PCSK5: variants seen among roughly 807,000 people sequenced by gnomAD.
PCSK5 encodes prohormone convertase 5.
In PCSK5, 129 loss-of-function variants were observed where a neutral mutation model predicts 233.2. The ratio of observed to expected loss-of-function variants is 0.55; its 90% CI spans 0.48 to 0.64. The LOEUF (loss-of-function observed/expected upper bound fraction) is 0.64. PCSK5 is among the 30% of genes least tolerant of loss of function. The pLI, the probability that PCSK5 is intolerant of heterozygous loss-of-function variation, is 0.00. For synonymous variants in PCSK5, 825 were observed against 879.2 expected (o/e 0.94, Z 1.09); for missense variants, 2,076 against 2,430.1 (o/e 0.85, Z 3.06).
rs767653783 is a variant in PCSK5 at position 76,338,453 on chromosome 9, A to T, written c.4966+6A>T. 1 of 1,589,612 alleles carries T rather than the reference A, an allele frequency of 6.3e-7. No individual in the cohort carries two copies. Among genetic ancestry groups the T allele is most frequent in the Non-Finnish European group, 8.6e-7 (1 of 1,159,014 alleles). ...GACTTGTGATCAATGCAAAGGTGAG[A>T]GTCTACCTGTCATTTTGCATGAGTG... On this transcript the variant is annotated splice_donor_region_variant and intron_variant, in intron 35 of 37. Coordinates refer to ENST00000674117, the MANE Select transcript of PCSK5 (RefSeq NM_001372043.1).
At chr9:75,940,655 G>A (rs1484973140) in intron 2 of PCSK5, among the ~76,000 whole-genome samples, 2 of 152,216 alleles carry the variant, frequency 1.3e-5, no homozygotes, top group Non-Finnish European at 2.9e-5. Context: ...TAAAATAGGT[G>A]TAATGGAGTA....
chr9:75,903,135 G>T (rs1449721202), intron 1 of PCSK5, among the ~76,000 whole-genome samples: 2 of 151,956 alleles, frequency 1.3e-5, no homozygotes, highest in African/African-American at 4.8e-5. Context: ...ATTTTATATA[G>T]TACAACAAAG....
At chr9:76,018,365 C>CG (rs1202568443) in intron 3 of PCSK5, among the ~76,000 whole-genome samples, 2 of 152,200 alleles carry the variant, frequency 1.3e-5, no homozygotes, top group Admixed American at 1.3e-4. Context: ...GTATTGATCG[C>CG]GGCCTGTTAG....
At chr9:76,122,620 A>C (rs953397339) in intron 9 of PCSK5, among the ~76,000 whole-genome samples, 1 of 152,080 alleles carries the variant, frequency 6.6e-6, no homozygotes, top group East Asian at 1.9e-4. Context: ...CTTTTGGCCC[A>C]ATGTAGCTTC....
intron 20 of PCSK5, among the ~76,000 whole-genome samples, chr9:76,199,726 C>A (rs148909366): frequency 2.6e-4 from 39 of 152,214 alleles, no homozygotes; most frequent in Non-Finnish European, 5.3e-4. Flanking sequence ...CCAAGGAGAT[C>A]TTTGTCAATC....
chr9:76,081,556 T>A, intron 7 of PCSK5, among the ~76,000 whole-genome samples: 1 of 152,202 alleles, frequency 6.6e-6, no homozygotes, highest in East Asian at 1.9e-4. Flanking sequence ...AATGATGCAT[T>A]TAACCACGGT....
chr9:76,063,901 G>GGTC (rs1564004386), intron 5 of PCSK5, among the ~76,000 whole-genome samples: 1 of 64,844 alleles, frequency 1.5e-5, no homozygotes. Context: ...TCCCAGTAGG[G>GGTC]GCAGCTGGGC....
chr9:76,289,383 G>T (rs1376401472), intron 24 of PCSK5, among the ~76,000 whole-genome samples: 1 of 151,580 alleles, frequency 6.6e-6, no homozygotes, highest in Non-Finnish European at 1.5e-5. Flanking sequence ...AATCACCCGA[G>T]CTATTTAAAC....
chr9:76,094,766 C>T (rs1341450572), intron 7 of PCSK5, among the ~76,000 whole-genome samples: 3 of 152,022 alleles, frequency 2.0e-5, no homozygotes, highest in African/African-American at 4.8e-5. Context: ...TGCACCACCA[C>T]GCCTCGCTAA....
chr9:76,129,075 A>G (rs1187773390), intron 9 of PCSK5, among the ~76,000 whole-genome samples: 4 of 152,124 alleles, frequency 2.6e-5, no homozygotes, highest in Non-Finnish European at 5.9e-5. Context: ...ACTTTCATAC[A>G]CTAGCTGCAA....
At chr9:75,992,612 AT>A (rs1826818364) in intron 3 of PCSK5, among the ~76,000 whole-genome samples, 1 of 151,678 alleles carries the variant, frequency 6.6e-6, no homozygotes, top group East Asian at 1.9e-4. Flanking sequence ...CACACACACA[AT>A]TTTTTTTCTG....
At chr9:76,246,902 GGCAGGCC>G (rs1206153937) in intron 24 of PCSK5, among the ~76,000 whole-genome samples, 1 of 152,210 alleles carries the variant, frequency 6.6e-6, no homozygotes, top group African/African-American at 2.4e-5. Context: ...CCAAAATGGC[GGCAGGCC>G]GCTTCCAAAA....
chr9:76,279,190 A>G (rs1035049060), intron 24 of PCSK5, among the ~76,000 whole-genome samples: 1 of 149,538 alleles, frequency 6.7e-6, no homozygotes, highest in Non-Finnish European at 1.5e-5. Context: ...GCGATAGTTT[A>G]CTGAGAATGA....
At chr9:76,175,800 G>A (rs1823588490) in intron 14 of PCSK5, among the ~76,000 whole-genome samples, 1 of 152,182 alleles carries the variant, frequency 6.6e-6, no homozygotes, top group Non-Finnish European at 1.5e-5. Flanking sequence ...CGTTTTAAAA[G>A]TGTTATAGCT....
chr9:76,331,979 C>T (rs1829549287), intron 33 of PCSK5, among the ~76,000 whole-genome samples: 1 of 152,240 alleles, frequency 6.6e-6, no homozygotes, highest in African/African-American at 2.4e-5. Context: ...CAATAAGAGA[C>T]TAATACGGCG....
intron 14 of PCSK5, among the ~76,000 whole-genome samples, chr9:76,178,188 G>A (rs2131207919): frequency 6.6e-6 from 1 of 152,254 alleles, no homozygotes; most frequent in Admixed American, 6.5e-5. Flanking sequence ...GTGTACGATG[G>A]CAGATGGCTA....
chr9:76,259,752 C>T (rs1028293030), intron 24 of PCSK5, among the ~76,000 whole-genome samples: 1 of 152,080 alleles, frequency 6.6e-6, no homozygotes, highest in Non-Finnish European at 1.5e-5. Flanking sequence ...TCAGCGTCCT[C>T]ACAGGTAAAT....
chr9:76,261,409 A>G (rs1827170655), intron 24 of PCSK5, among the ~76,000 whole-genome samples: 1 of 152,202 alleles, frequency 6.6e-6, no homozygotes, highest in Non-Finnish European at 1.5e-5. Flanking sequence ...GAACTGAAAA[A>G]TGACTCTGGT....
intron 26 of PCSK5, 98 bp from the exon 27 acceptor site, chr9:76,296,567 A>C (rs567494068): frequency 4.1e-6 from 3 of 725,786 alleles, no homozygotes; most frequent in Admixed American, 5.1e-5. Context: ...AAACAAATGC[A>C]AAGAAAAATG....
Sources: gnomAD v4.1 joint callset for allele counts (sites outside exome capture counted in the v4.1 genomes callset) on GRCh38, gnomAD v4.1.1 for gene constraint, MANE v1.5 for transcripts, NCBI Gene and HGNC (gene_info 2026-07-23, HGNC 2026-07-21) for gene names.